Variants in TMEM182 observed in about 807,000 individuals in gnomAD.
TMEM182 encodes the protein transmembrane protein 182.
In TMEM182, 20 loss-of-function variants were observed where a neutral mutation model predicts 26.8. The observed-to-expected ratio is 0.75, with a 90% CI of 0.53 to 1.09. The LOEUF is 1.09. Ranked by LOEUF, TMEM182 falls within the 50% of genes least tolerant of loss-of-function variation. The pLI, the probability that TMEM182 is intolerant of heterozygous loss-of-function variation, is 0.00. For synonymous variants in TMEM182, 109 were observed against 102.2 expected, an observed-to-expected ratio of 1.07 and a Z score of -0.40; for missense variants, 277 against 275.5, an observed-to-expected ratio of 1.01 and a Z score of -0.04.
chr2:102,784,104 T>A (rs1370315260), intron 3 of TMEM182, among the ~76,000 whole-genome samples: 1 of 152,210 alleles, frequency 6.6e-6, no homozygotes, highest in Non-Finnish European at 1.5e-5. Context: ...TCTCAGCCCA[T>A]CAGCTGATAG....
At chr2:102,757,638 T>C (rs536639102), upstream of TMEM182, 49 of 152,350 alleles carry the variant, frequency 3.2e-4, no homozygotes, top group African/African-American at 1.1e-3. Context: ...AATCAACTTC[T>C]TCTACAGTAT....
intron 1 of TMEM182, among the ~76,000 whole-genome samples, chr2:102,750,627 G>A (rs1298718838): frequency 2.6e-5 from 4 of 152,192 alleles, no homozygotes; most frequent in African/African-American, 9.7e-5. Flanking sequence ...TTTGGAGTCT[G>A]CTACTGGGAT....
chr2:102,776,179 G>T (rs2104686479), intron 3 of TMEM182, among the ~76,000 whole-genome samples: 1 of 152,180 alleles, frequency 6.6e-6, no homozygotes, highest in East Asian at 1.9e-4. Flanking sequence ...AGCCAACATT[G>T]ATCCATTATT....
chr2:102,794,723 CTT>C (rs1318383646), intron 3 of TMEM182, among the ~76,000 whole-genome samples: 2 of 151,460 alleles, frequency 1.3e-5, no homozygotes, highest in Non-Finnish European at 2.9e-5. Flanking sequence ...GCTTTCAAGA[CTT>C]TTTTTTTGTT....
chr2:102,778,189 G>T (rs1261367303), intron 3 of TMEM182, among the ~76,000 whole-genome samples: 5 of 151,526 alleles, frequency 3.3e-5, no homozygotes, highest in Non-Finnish European at 7.4e-5. Flanking sequence ...TCATAGCTCT[G>T]TTTTTTTTAT....
rs530623064 is a variant in TMEM182 at position 102,743,338 on chromosome 2, A to G, written c.-83+6325A>G. Among the ~76,000 whole-genome samples the G allele has an allele frequency of 7.2e-5, 11 of 152,336 alleles. No homozygotes were observed. In the South Asian group the frequency reaches 1.9e-3, roughly 26 times the overall value. ...AGTAAGATTATAAAATGCTCCCATT[A>G]AAACCAGAGAAGGGCCAGGCATAGT... On this transcript the variant is annotated intron_variant, in intron 1 of 5. Coordinates refer to the TMEM182 transcript ENST00000409173.
At position 102,816,400 on chromosome 2, in the gene TMEM182, TC is replaced by T; in HGVS notation, c.*1433del. 1 of 985,216 alleles carries T rather than the reference TC, an allele frequency of 1.0e-6. No homozygotes were observed. The highest frequency in any genetic ancestry group is 1.2e-6 in the Non-Finnish European group (1 of 829,900). The allele number at this position is 985,216 out of a possible 1,614,324, so 61.0% of individuals were successfully genotyped here. A position where few individuals can be genotyped will look rare whatever the true frequency, so the allele number is the denominator to read the frequency against. On this transcript the variant is annotated 3_prime_UTR_variant, in exon 5 of 5. Transcript: ENST00000412401. ...AATGCCGTGGGAGAGGTGATCCCAG[TC>T]TTCTCTGTACATCTTGTGCTTTTCC...
At chr2:102,775,970 A>T (rs1254204511) in intron 3 of TMEM182, among the ~76,000 whole-genome samples, 2 of 152,142 alleles carry the variant, frequency 1.3e-5, no homozygotes. Flanking sequence ...TATATTTTAA[A>T]TTTCATTCTC....
downstream of TMEM182, among the ~76,000 whole-genome samples, chr2:102,818,745 CCTATCTATCTATCTAT>C (rs71378191): frequency 7.3e-6 from 1 of 136,410 alleles, no homozygotes; most frequent in East Asian, 2.2e-4. Flanking sequence ...TCTATTTAAT[CCTATCTATCTATCTAT>C]CTATCTATCT....
intron 3 of TMEM182, among the ~76,000 whole-genome samples, chr2:102,834,746 G>A (rs1215846130): frequency 6.6e-6 from 1 of 152,158 alleles, no homozygotes; most frequent in African/African-American, 2.4e-5. Flanking sequence ...GTCCAGAGCA[G>A]TCCAGCATAT....
intron 3 of TMEM182, among the ~76,000 whole-genome samples, chr2:102,792,139 A>G (rs1681675578): frequency 6.6e-6 from 1 of 150,990 alleles, no homozygotes. Context: ...GCATATGTGT[A>G]TGTTCATATA....
At chr2:102,783,088 T>G (rs1484583816) in intron 3 of TMEM182, among the ~76,000 whole-genome samples, 1 of 152,182 alleles carries the variant, frequency 6.6e-6, no homozygotes, top group African/African-American at 2.4e-5. Flanking sequence ...GCTGTTGTTA[T>G]GCACTATGGA....
upstream of TMEM182, chr2:102,758,420 AC>A (rs1479805251): frequency 1.4e-6 from 1 of 715,828 alleles, no homozygotes; most frequent in Non-Finnish European, 2.6e-6. Context: ...GTTTCAAGTG[AC>A]AGGCAAATGT....
In TMEM182 at chr2:102,815,307, C is replaced by A; in HGVS notation, c.*339C>A. ...ATGGGGAAAATCTCGATAGATTTGG[C>A]TTAAAGTCTCCTTGGCATTCACTTC... On this transcript the variant is annotated 3_prime_UTR_variant, in exon 5 of 5. Coordinates refer to ENST00000412401, the MANE Select transcript of TMEM182 (RefSeq NM_144632.5). 1 of 1,017,898 alleles carries A rather than the reference C, an allele frequency of 9.8e-7. No homozygotes were observed. The highest frequency in any genetic ancestry group is 1.2e-6 in the Non-Finnish European group (1 of 851,744). 63.1% of individuals were successfully genotyped at this position (1,017,898 alleles called of 1,614,324 possible).
chr2:102,753,203 C>CCA (rs1553436438), intron 1 of TMEM182, among the ~76,000 whole-genome samples: 2 of 151,916 alleles, frequency 1.3e-5, no homozygotes, highest in East Asian at 3.9e-4. Context: ...TTCCCCCCCC[C>CCA]ACTGCCTTCA....
At chr2:102,775,235 T>C (rs1437339930) in intron 3 of TMEM182, 1 of 152,196 alleles carries the variant, frequency 6.6e-6, no homozygotes, top group African/African-American at 2.4e-5. Flanking sequence ...TGGTTCAATA[T>C]ATGCAAATCA....
intron 3 of TMEM182, among the ~76,000 whole-genome samples, chr2:102,771,823 C>T (rs1161729900): frequency 6.6e-6 from 1 of 152,176 alleles, no homozygotes; most frequent in Non-Finnish European, 1.5e-5. Context: ...TGTTGTGGGA[C>T]TGTCCTGTGT....
chr2:102,763,308 A>G (rs1680291003), intron 2 of TMEM182, among the ~76,000 whole-genome samples: 1 of 152,168 alleles, frequency 6.6e-6, no homozygotes, highest in Non-Finnish European at 1.5e-5. Flanking sequence ...ACTATAATGC[A>G]TTTGTTCAAC....
intron 3 of TMEM182, chr2:102,834,464 G>T: frequency 1.0e-6 from 1 of 984,936 alleles, no homozygotes; most frequent in Non-Finnish European, 1.2e-6. Context: ...GTCTGCCAGT[G>T]CCCCATGGTC....
Sources: allele counts gnomAD v4.1 joint callset (sites outside exome capture counted in the v4.1 genomes callset), GRCh38; gene constraint gnomAD v4.1.1; transcripts MANE v1.5; gene names NCBI Gene and HGNC (gene_info 2026-07-23, HGNC 2026-07-21).